The following PPM1H variants were observed in gnomAD, a reference collection of about 807,000 sequenced individuals.
The protein encoded by PPM1H is protein phosphatase, Mg2+/Mn2+ dependent 1H.
Under a neutral mutation model 54.9 loss-of-function variants are expected in PPM1H, and 27 were observed. The ratio of observed to expected loss-of-function variants is 0.49; its 90% CI spans 0.36 to 0.68. PPM1H has a LOEUF of 0.68. PPM1H is among the 30% of genes least tolerant of loss of function. PPM1H has a pLI of 0.00. For synonymous variants in PPM1H, 305 were observed against 270.8 expected (o/e 1.13, Z -1.24); for missense variants, 596 against 667.8 (o/e 0.89, Z 1.19).
chr12:62,784,679 TG>T lies in PPM1H; in HGVS notation c.869+3546del, dbSNP rs1431968703. Reference sequence around the variant, plus strand: ...CTGACTGCTCGTCAATCAGTGATAATGGACCTACATTTCCACAGATATGATC... The same window carrying T: ...CTGACTGCTCGTCAATCAGTGATAATGACCTACATTTCCACAGATATGATC... On this transcript the variant is annotated intron_variant, in intron 4 of 9. Coordinates refer to ENST00000228705, the MANE Select transcript of PPM1H (RefSeq NM_020700.2). 3.9e-5 allele frequency among the ~76,000 whole-genome samples: 6 copies of T among 152,248 alleles called. No homozygotes were observed. In the South Asian group the frequency reaches 1.2e-3, roughly 31 times the overall value.
chr12:62,668,644 TG>T (rs1349580848), intron 8 of PPM1H, among the ~76,000 whole-genome samples: 1 of 152,062 alleles, frequency 6.6e-6, no homozygotes. Flanking sequence ...CCCAAAGTGC[TG>T]GGGTTACAGG....
chr12:62,838,696 C>T (rs886513550), intron 1 of PPM1H, among the ~76,000 whole-genome samples: 1 of 102,342 alleles, frequency 9.8e-6, no homozygotes, highest in African/African-American at 5.0e-5. Flanking sequence ...CCGAGGCGGG[C>T]GGATCACGAG....
chr12:62,820,731 A>G (rs922650396), intron 2 of PPM1H, among the ~76,000 whole-genome samples: 1 of 152,214 alleles, frequency 6.6e-6, no homozygotes, highest in African/African-American at 2.4e-5. Context: ...CAGCATCAAC[A>G]AAAAGGACAT....
chr12:62,673,713 C>CTTTTTTTTTTTTTTTTTTTTTTTT (rs1192243731), intron 8 of PPM1H, among the ~76,000 whole-genome samples: 1 of 47,570 alleles, frequency 2.1e-5, no homozygotes, highest in Non-Finnish European at 4.5e-5. Context: ...AGAAGAGCCA[C>CTTTTTTTTTTTTTTTTTTTTTTTT]TCTTTTTTTT....
intron 2 of PPM1H, among the ~76,000 whole-genome samples, chr12:62,831,143 A>G (rs1868351496): frequency 6.6e-6 from 1 of 152,172 alleles, no homozygotes; most frequent in African/African-American, 2.4e-5. Context: ...GTGAGCCACC[A>G]TGCCCAGCCG....
intron 2 of PPM1H, among the ~76,000 whole-genome samples, chr12:62,811,770 C>T (rs1014772527): frequency 1.3e-5 from 2 of 152,098 alleles, no homozygotes; most frequent in Admixed American, 6.5e-5. Context: ...GTTTGCTTCC[C>T]CTTCCACCGT....
intron 1 of PPM1H, among the ~76,000 whole-genome samples, chr12:62,914,834 T>C (rs1252300926): frequency 1.3e-5 from 2 of 152,186 alleles, no homozygotes; most frequent in Non-Finnish European, 2.9e-5. Flanking sequence ...AAGAAGGGTA[T>C]GCGCTAGATG....
chr12:62,918,641 TTAGCA>T (rs1287846198), intron 1 of PPM1H, among the ~76,000 whole-genome samples: 1 of 152,202 alleles, frequency 6.6e-6, no homozygotes, highest in Non-Finnish European at 1.5e-5. Context: ...AAATTATAGC[TTAGCA>T]AAGATTTACC....
At chr12:62,655,086 C>T (rs890639556) in intron 9 of PPM1H, among the ~76,000 whole-genome samples, 1 of 152,142 alleles carries the variant, frequency 6.6e-6, no homozygotes. Context: ...CCTGACATTC[C>T]CTTCATGCCA....
At chr12:62,832,858 C>A (rs1221418495) in intron 1 of PPM1H, among the ~76,000 whole-genome samples, 1 of 152,076 alleles carries the variant, frequency 6.6e-6, no homozygotes, top group Non-Finnish European at 1.5e-5. Flanking sequence ...AACTCTTGGT[C>A]TTTTTTCATG....
chr12:62,781,828 G>T (rs1436163377), intron 4 of PPM1H, among the ~76,000 whole-genome samples: 1 of 152,156 alleles, frequency 6.6e-6, no homozygotes, highest in Non-Finnish European at 1.5e-5. Context: ...CCATCACTTG[G>T]TTTCTGTGTC....
intron 1 of PPM1H, among the ~76,000 whole-genome samples, chr12:62,900,361 G>A (rs969638049): frequency 6.6e-6 from 1 of 151,916 alleles, no homozygotes; most frequent in South Asian, 2.1e-4. Context: ...CACAGGAAGG[G>A]GGACCTCACA....
intron 7 of PPM1H, among the ~76,000 whole-genome samples, chr12:62,693,343 G>C (rs1046971189): frequency 1.3e-5 from 2 of 152,162 alleles, no homozygotes; most frequent in Non-Finnish European, 2.9e-5. Context: ...ATCTTAGTCT[G>C]GACTCTGGTT....
intron 1 of PPM1H, among the ~76,000 whole-genome samples, chr12:62,882,730 G>A (rs960505749): frequency 6.6e-6 from 1 of 152,170 alleles, no homozygotes; most frequent in Non-Finnish European, 1.5e-5. Context: ...GTGCTTTCTG[G>A]TATTTTTATA....
chr12:62,835,092 T>A (rs1464453618), intron 1 of PPM1H, among the ~76,000 whole-genome samples: 1 of 152,224 alleles, frequency 6.6e-6, no homozygotes, highest in East Asian at 1.9e-4. Flanking sequence ...TTTTTTCCTT[T>A]GGTTTCGTTT....
intron 4 of PPM1H, among the ~76,000 whole-genome samples, chr12:62,743,157 C>T (rs1194842279): frequency 6.6e-6 from 1 of 152,076 alleles, no homozygotes; most frequent in Non-Finnish European, 1.5e-5. Flanking sequence ...TTGAGACAAG[C>T]CTGGCCAACA....
chr12:62,902,480 A>C (rs1211255118), intron 1 of PPM1H, among the ~76,000 whole-genome samples: 1 of 152,234 alleles, frequency 6.6e-6, no homozygotes, highest in Non-Finnish European at 1.5e-5. Flanking sequence ...ACTGCCCAAC[A>C]CTGGAACATT....
chr12:62,912,911 T>C (rs918208712), intron 1 of PPM1H, among the ~76,000 whole-genome samples: 3 of 152,220 alleles, frequency 2.0e-5, no homozygotes, highest in Admixed American at 6.5e-5. Context: ...ACCATTAGTT[T>C]GTAGATGATT....
Position 62,801,995 on chromosome 12 carries a change from C to G in PPM1H, c.577G>C (p.Gly193Arg), listed in dbSNP as rs1424718414. 2 of 1,613,282 alleles carry G rather than the reference C, an allele frequency of 1.2e-6. No individual in the cohort carries two copies. Among genetic ancestry groups the G allele is most frequent in the African/African-American group, 2.7e-5 (2 of 74,942 alleles). ...NSAVLPPTCL[G>R]EEPENTPANS... Reference sequence around the variant, plus strand: ...GCGGGCGTGTTCTCAGGCTCCTCCCCCAGGCAGGTAGGGGGCAGGACGGCG... The same window carrying G: ...GCGGGCGTGTTCTCAGGCTCCTCCCGCAGGCAGGTAGGGGGCAGGACGGCG... The change falls in exon 3 of 10, where the codon GGG becomes CGG. Residue 193 changes from glycine to arginine, a missense_variant. Coordinates refer to ENST00000228705, the MANE Select transcript of PPM1H (RefSeq NM_020700.2).
Sources: gnomAD v4.1 joint callset for allele counts (sites outside exome capture counted in the v4.1 genomes callset) on GRCh38, gnomAD v4.1.1 for gene constraint, MANE v1.5 for transcripts, NCBI Gene and HGNC (gene_info 2026-07-23, HGNC 2026-07-21) for gene names.